Variants in CLVS1 observed in about 807,000 individuals in gnomAD.
The protein encoded by CLVS1 is clavesin-1.
CLVS1 carries 10 observed loss-of-function variants against 33.1 expected under a neutral mutation model. That is an observed-to-expected ratio of 0.30 (90% CI 0.19 to 0.51). The LOEUF (loss-of-function observed/expected upper bound fraction) is 0.51. Ranked by LOEUF, CLVS1 falls within the 20% of genes least tolerant of loss-of-function variation. CLVS1 has a pLI of 0.97. For synonymous variants in CLVS1, 163 were observed against 166.1 expected (o/e 0.98, Z 0.14); for missense variants, 343 against 433.4 (o/e 0.79, Z 1.85).
At chr8:61,117,969 C>G (rs1380776582) in intron 1 of CLVS1, among the ~76,000 whole-genome samples, 2 of 152,176 alleles carry the variant, frequency 1.3e-5, no homozygotes, top group African/African-American at 4.8e-5. Flanking sequence ...CCTTGTACCT[C>G]TGGTAGACTT....
chr8:61,421,065 T>A (rs149575982), intron 3 of CLVS1, among the ~76,000 whole-genome samples: 36 of 152,298 alleles, frequency 2.4e-4, no homozygotes, highest in African/African-American at 7.2e-4. Flanking sequence ...AAAACTAGCA[T>A]CAAATGTAGG....
At chr8:61,068,215 ATATG>A (rs72214342) in intron 1 of CLVS1, among the ~76,000 whole-genome samples, 5,393 of 106,138 alleles carry the variant, frequency 0.051, 165 homozygotes, top group South Asian at 0.18. Context: ...ATATATATAT[ATATG>A]TATGTATGTG....
chr8:61,158,744 G>T (rs1334939714), intron 2 of CLVS1, among the ~76,000 whole-genome samples: 1 of 151,522 alleles, frequency 6.6e-6, no homozygotes, highest in Non-Finnish European at 1.5e-5. Flanking sequence ...AAATGACAAT[G>T]GTAAGAATAA....
At chr8:61,067,650 G>T (rs1804707505) in intron 1 of CLVS1, among the ~76,000 whole-genome samples, 1 of 152,134 alleles carries the variant, frequency 6.6e-6, no homozygotes, top group Non-Finnish European at 1.5e-5. Context: ...TGGGAGGATT[G>T]CCTGAGGCCA....
intron 2 of CLVS1, among the ~76,000 whole-genome samples, chr8:61,211,444 G>T (rs1480815738): frequency 7.1e-6 from 1 of 140,422 alleles, no homozygotes; most frequent in Non-Finnish European, 1.5e-5. Flanking sequence ...TGTTCTTCCT[G>T]CTTCTCCTCC....
rs115366425 is a variant in CLVS1, at chr8:61,415,307, C to T, written c.630+38528C>T. 4.9e-3 allele frequency among the ~76,000 whole-genome samples: 749 copies of T among 152,336 alleles called. 7 individuals are homozygous for T. The highest frequency in any genetic ancestry group is 0.017 in the African/African-American group (710 of 41,570). Reference sequence around the variant, plus strand: ...CCCAGGTGGCCACCCAGCATAGCCCCATGCTAGAAGCTGGGGCACCTGCCC... The same window carrying T: ...CCCAGGTGGCCACCCAGCATAGCCCTATGCTAGAAGCTGGGGCACCTGCCC... On this transcript the variant is annotated intron_variant, in intron 3 of 5. Coordinates refer to ENST00000325897, the MANE Select transcript of CLVS1 (RefSeq NM_173519.3).
intron 3 of CLVS1, among the ~76,000 whole-genome samples, chr8:61,386,341 C>G (rs1814083364): frequency 6.6e-6 from 1 of 152,206 alleles, no homozygotes; most frequent in African/African-American, 2.4e-5. Context: ...TCTTTACAAC[C>G]CTTCTCATCT....
intron 3 of CLVS1, among the ~76,000 whole-genome samples, chr8:61,402,139 T>C (rs1814793931): frequency 6.6e-6 from 1 of 152,120 alleles, no homozygotes; most frequent in Non-Finnish European, 1.5e-5. Context: ...CATACATAAA[T>C]TAATAAAAAT....
At chr8:61,345,087 A>G (rs1000761024) in intron 2 of CLVS1, among the ~76,000 whole-genome samples, 1 of 152,154 alleles carries the variant, frequency 6.6e-6, no homozygotes, top group Non-Finnish European at 1.5e-5. Flanking sequence ...AACTATCTTT[A>G]TGTTCAAGGT....
At chr8:61,311,092 T>A (rs1810814987) in intron 2 of CLVS1, among the ~76,000 whole-genome samples, 1 of 152,172 alleles carries the variant, frequency 6.6e-6, no homozygotes, top group African/African-American at 2.4e-5. Context: ...TTTGACCTAA[T>A]CCAGAGCCTA....
At chr8:61,394,158 C>A (rs1398297093) in intron 3 of CLVS1, among the ~76,000 whole-genome samples, 3 of 152,180 alleles carry the variant, frequency 2.0e-5, no homozygotes, top group Non-Finnish European at 4.4e-5. Context: ...ACCAGCCTTG[C>A]CAACATGGTG....
intron 2 of CLVS1, among the ~76,000 whole-genome samples, chr8:61,350,333 C>A (rs891364941): frequency 7.2e-5 from 11 of 152,112 alleles, no homozygotes; most frequent in Admixed American, 7.2e-4. Context: ...GTCTAGTTAG[C>A]GTCTCTCACC....
intron 3 of CLVS1, among the ~76,000 whole-genome samples, chr8:61,382,847 A>G (rs913176233): frequency 1.1e-4 from 16 of 152,052 alleles, no homozygotes; most frequent in Non-Finnish European, 2.2e-4. Context: ...ATGCCCCTCA[A>G]AGACCTCAGG....
At chr8:61,385,192 G>A (rs565538343) in intron 3 of CLVS1, among the ~76,000 whole-genome samples, 1 of 152,222 alleles carries the variant, frequency 6.6e-6, no homozygotes, top group African/African-American at 2.4e-5. Context: ...AATAGCTGGG[G>A]GAGATTGATC....
At chr8:61,478,848 G>T (rs1818065994) in intron 5 of CLVS1, among the ~76,000 whole-genome samples, 1 of 152,138 alleles carries the variant, frequency 6.6e-6, no homozygotes, top group Non-Finnish European at 1.5e-5. Context: ...GTGTGAATTT[G>T]ATCCTGTCAT....
At chr8:61,002,098 C>T in the CLVS1 span, among the ~76,000 whole-genome samples, 2 of 152,082 alleles carry the variant, frequency 1.3e-5, no homozygotes, top group African/African-American at 4.8e-5. Flanking sequence ...TCTACCTCAC[C>T]CTCCTGAGTA....
rs1404938286 is a variant in CLVS1 at position 61,500,483 on chromosome 8, A to AATC, written c.*944_*946dup. On this transcript the variant is annotated 3_prime_UTR_variant, in exon 6 of 6. Transcript: ENST00000325897. ...GTTGTTGCTGAGAGGGTAAATATTC[A>AATC]ATCATGGAGCATGACCCATATGGAT... 3 of 152,358 alleles carry AATC rather than the reference A, an allele frequency of 2.0e-5. No individual in the cohort carries two copies. Among genetic ancestry groups the AATC allele is most frequent in the Non-Finnish European group, 2.9e-5 (2 of 68,036 alleles). The allele number at this position is 152,358 out of a possible 1,614,324, so 9.4% of individuals were successfully genotyped here.
chr8:61,355,081 C>A (rs1209200847), intron 2 of CLVS1, among the ~76,000 whole-genome samples: 1 of 152,164 alleles, frequency 6.6e-6, no homozygotes, highest in Admixed American at 6.6e-5. Flanking sequence ...ACGCCCAAAA[C>A]AAATTTATCT....
intron 3 of CLVS1, chr8:61,377,268 A>G: frequency 6.6e-6 from 1 of 152,460 alleles, no homozygotes; most frequent in East Asian, 1.9e-4. Flanking sequence ...TCCTGTTTGT[A>G]TGACCACTTA....
Sources: gnomAD v4.1 joint callset for allele counts (sites outside exome capture counted in the v4.1 genomes callset) on GRCh38, gnomAD v4.1.1 for gene constraint, MANE v1.5 for transcripts, NCBI Gene and HGNC (gene_info 2026-07-23, HGNC 2026-07-21) for gene names.